Variants in COL12A1 observed in about 807,000 individuals in gnomAD.
The protein encoded by COL12A1 is collagen type XII alpha 1 chain, also known as collagen alpha-1(XII) chain.
Under a neutral mutation model 349.7 loss-of-function variants are expected in COL12A1, and 114 were observed. The ratio of observed to expected loss-of-function variants is 0.33; its 90% CI spans 0.28 to 0.38. The LOEUF is 0.38. Ranked by LOEUF, COL12A1 falls within the 10% of genes least tolerant of loss-of-function variation. The probability of loss-of-function intolerance (pLI) is 1.00; values close to 1 mark genes in which losing one functional copy is unlikely to be tolerated. For missense variants in COL12A1, 3,284 were observed against 3,756.9 expected (o/e 0.87, Z 3.29); for synonymous variants, 1,369 against 1,329.0 (o/e 1.03, Z -0.66).
At chr6:75,144,869 A>G (rs1767099926) in intron 25 of COL12A1, among the ~76,000 whole-genome samples, 1 of 152,276 alleles carries the variant, frequency 6.6e-6, no homozygotes, top group Non-Finnish European at 1.5e-5. Context: ...CATATGTGCC[A>G]CAGAGTTTCT....
At chr6:75,174,151 C>A (rs1253015457) in intron 13 of COL12A1, among the ~76,000 whole-genome samples, 2 of 152,146 alleles carry the variant, frequency 1.3e-5, no homozygotes, top group Non-Finnish European at 2.9e-5. Flanking sequence ...CTCTAAAGAA[C>A]CAAGGAAACT....
At chr6:75,187,059 C>A (rs973317318) in intron 8 of COL12A1, among the ~76,000 whole-genome samples, 1 of 151,718 alleles carries the variant, frequency 6.6e-6, no homozygotes, top group Non-Finnish European at 1.5e-5. Flanking sequence ...ATCTGTACAA[C>A]AAGCCCCCAT....
At chr6:75,142,986 A>G (rs1264805719) in intron 26 of COL12A1, among the ~76,000 whole-genome samples, 1 of 152,210 alleles carries the variant, frequency 6.6e-6, no homozygotes, top group Non-Finnish European at 1.5e-5. Context: ...GGAAGGAAAT[A>G]CCATTTAGAT....
chr6:75,169,561 A>T (rs999282569), intron 13 of COL12A1, among the ~76,000 whole-genome samples: 2 of 152,146 alleles, frequency 1.3e-5, no homozygotes, highest in Non-Finnish European at 2.9e-5. Flanking sequence ...CTGTTCCCCA[A>T]GATTTACAAA....
At chr6:75,108,580 G>A (rs997583036) in intron 52 of COL12A1, among the ~76,000 whole-genome samples, 5 of 152,148 alleles carry the variant, frequency 3.3e-5, no homozygotes, top group African/African-American at 9.7e-5. Context: ...CAGCCGAATG[G>A]CTCCTCTGTG....
intron 58 of COL12A1, among the ~76,000 whole-genome samples, chr6:75,097,992 G>A (rs1768135785): frequency 6.6e-6 from 1 of 151,978 alleles, no homozygotes; most frequent in African/African-American, 2.4e-5. Flanking sequence ...ATATGTACTG[G>A]TCAATACATC....
chr6:75,171,095 ACAGATTTTCCTC>A (rs1400793342), intron 13 of COL12A1, among the ~76,000 whole-genome samples: 1 of 152,216 alleles, frequency 6.6e-6, no homozygotes, highest in Admixed American at 6.5e-5. Flanking sequence ...GTTTATAAAA[ACAGATTTTCCTC>A]CAAGCACTAA....
In COL12A1 at chr6:75,151,771, A is replaced by AT. The variant is rs1046018846; in HGVS notation, c.4000+95dup. ...AATTATGTGATAGAAAAAAATGGGT[A>AT]TTTTTTTTCATGCTTCAGATAAAAC... On this transcript the variant is annotated intron_variant, in intron 20 of 65. Coordinates refer to ENST00000322507, the MANE Select transcript of COL12A1 (RefSeq NM_004370.6). 3.2e-4 allele frequency: 408 copies of AT among 1,265,086 alleles called. 1 individual carries two copies. In the African/African-American group the frequency reaches 4.2e-3, roughly 13 times the overall value. 78.4% of individuals were successfully genotyped at this position (1,265,086 alleles called of 1,614,324 possible).
Position 75,181,217 on chromosome 6 carries a change from TAA to T in COL12A1, c.1892-8_1892-7del, listed in dbSNP as rs11347601. ...ATCCTTTGGAGGGACGTAAGCTATT[TAA>T]AAAAAAAAAAAGACAGTTAAAAATG... On this transcript the variant is annotated splice_polypyrimidine_tract_variant and splice_region_variant and intron_variant, in intron 10 of 65. Transcript: ENST00000322507. The T allele has an allele frequency of 5.7e-4, 723 of 1,257,656 alleles. No individual in the cohort carries two copies. The highest frequency in any genetic ancestry group is 3.5e-3 in the South Asian group (247 of 70,226). The allele number at this position is 1,257,656 out of a possible 1,614,324, so 77.9% of individuals were successfully genotyped here.
At chr6:75,198,782 A>T (rs1035045317) in intron 2 of COL12A1, among the ~76,000 whole-genome samples, 1 of 152,188 alleles carries the variant, frequency 6.6e-6, no homozygotes, top group Non-Finnish European at 1.5e-5. Flanking sequence ...TGGTAAGTAT[A>T]CATAATGCGC....
intron 64 of COL12A1, among the ~76,000 whole-genome samples, chr6:75,088,678 A>G (rs1767617176): frequency 6.6e-6 from 1 of 152,102 alleles, no homozygotes; most frequent in Admixed American, 6.5e-5. Flanking sequence ...AACATATGCC[A>G]TGGTAATAAG....
chr6:75,155,936 C>T lies in COL12A1; in HGVS notation c.3251-82G>A, dbSNP rs1328877198. ...CTTTTTTATTAGCCCCACAAAAATG[C>T]ATATCCATAAAAAGGGTTTAAGTCC... On this transcript the variant is annotated intron_variant, in intron 15 of 65. Coordinates refer to ENST00000322507, the MANE Select transcript of COL12A1 (RefSeq NM_004370.6). 3.6e-6 allele frequency: 5 copies of T among 1,394,992 alleles called. No homozygotes were observed. The East Asian group carries it at 1.2e-4, about 33-fold the overall frequency. 86.4% of individuals were successfully genotyped at this position (1,394,992 alleles called of 1,614,324 possible).
In COL12A1 at chr6:75,189,247, G is replaced by A. The variant is rs749760185; in HGVS notation, c.793C>T (p.Arg265Cys). 26 of 1,612,692 alleles carry A rather than the reference G, an allele frequency of 1.6e-5. No homozygotes were observed. The highest frequency in any genetic ancestry group is 1.2e-4 in the Admixed American group (7 of 59,858). ...GAGAAAACTTCAACTCCAACATTACGAAGCTCTCTTGCTGGAATTTCCACT... is the reference window on the plus strand; with the variant it reads ...GAGAAAACTTCAACTCCAACATTACAAAGCTCTCTTGCTGGAATTTCCACT... ...DEVEIPAREL[R>C]NVGVEVFSLG... is the part of the protein sequence containing the mutation. Residue 265 changes from arginine (R) to cysteine (C), a missense_variant, in exon 7 of 66, where the codon CGT (arginine) becomes TGT (cysteine). Physicochemically the swap from Arg to Cys is radical, Grantham distance 180 (BLOSUM62 -3). This residue lies in a region of COL12A1 where 2,601 missense variants were observed against 2,824.8 expected (regional missense o/e 0.92). Transcript: ENST00000322507.
chr6:75,115,235 TAATG>T (rs1278314762), intron 49 of COL12A1, among the ~76,000 whole-genome samples: 3 of 152,142 alleles, frequency 2.0e-5, no homozygotes, highest in Admixed American at 1.3e-4. Flanking sequence ...GTTTTCATTT[TAATG>T]AATAAGAAAT....
chr6:75,085,205 G>A lies in COL12A1; in HGVS notation c.*1342C>T, dbSNP rs1386706605. ...GATCTCTGGTTCACTGCCCGGGTCC[G>A]TGGGGCAGGGCGCGCCGCCAGCGCC... On this transcript the variant is annotated 3_prime_UTR_variant, in exon 66 of 66. Coordinates refer to ENST00000322507, the MANE Select transcript of COL12A1 (RefSeq NM_004370.6). 2.1e-6 allele frequency: 1 copy of A among 467,784 alleles called. No individual in the cohort carries two copies. 29.0% of individuals were successfully genotyped at this position (467,784 alleles called of 1,614,324 possible).
intron 53 of COL12A1, 135 bp from the exon 54 acceptor site, chr6:75,105,427 T>C (rs1041082472): frequency 3.1e-6 from 2 of 655,164 alleles, no homozygotes; most frequent in Admixed American, 5.6e-5. Flanking sequence ...TTATGAATAG[T>C]CTTATGTTGA....
intron 13 of COL12A1, among the ~76,000 whole-genome samples, chr6:75,174,810 C>A (rs1308786294): frequency 6.6e-6 from 1 of 152,162 alleles, no homozygotes; most frequent in Admixed American, 6.5e-5. Context: ...TCTTATTATG[C>A]ATCCAGCTCC....
rs377551270 is a variant in COL12A1, at chr6:75,189,807, C to A, written c.403G>T (p.Val135Phe). Residue 135 changes from valine to phenylalanine, a missense_variant, in exon 6 of 66, where the codon GTC becomes TTC. By Grantham distance (50) the Val-to-Phe change is conservative. Around this residue, in one of 2 missense-constraint regions of COL12A1, gnomAD observed 2,601 missense variants for 2,824.8 expected, o/e 0.92. Coordinates refer to ENST00000322507, the MANE Select transcript of COL12A1 (RefSeq NM_004370.6). ...PGKTEIQKCSVSAWTDLVFLV... is the reference protein window; with the variant it reads ...PGKTEIQKCSFSAWTDLVFLV... ...AAAACCAAATCAGTCCAGGCACTGA[C>A]AGAGCATTCTGAAATACATTTGATA... The A allele has an allele frequency of 1.3e-5, 21 of 1,611,898 alleles. No homozygotes were observed. The highest frequency in any genetic ancestry group is 1.6e-5 in the Non-Finnish European group (19 of 1,178,504).
intron 13 of COL12A1, 55 bp from the exon 14 acceptor site, chr6:75,165,834 G>T: frequency 5.3e-6 from 8 of 1,517,278 alleles, no homozygotes; most frequent in Non-Finnish European, 7.2e-6. Flanking sequence ...AGGTATTTAA[G>T]TATTATATTC....
Sources: allele counts gnomAD v4.1 joint callset (sites outside exome capture counted in the v4.1 genomes callset), GRCh38; gene constraint gnomAD v4.1.1; regional missense constraint gnomAD v4.1.1; transcripts MANE v1.5; gene names NCBI Gene and HGNC (gene_info 2026-07-23, HGNC 2026-07-21).